CATSPERG: variants seen among roughly 807,000 people sequenced by gnomAD.
CATSPERG encodes cation channel sperm-associated auxiliary subunit gamma.
Under a neutral mutation model 145.0 loss-of-function variants are expected in CATSPERG, and 115 were observed. The ratio of observed to expected loss-of-function variants is 0.79; its 90% CI spans 0.68 to 0.93. The LOEUF (loss-of-function observed/expected upper bound fraction) is 0.93. Ranked by LOEUF, CATSPERG falls within the 40% of genes least tolerant of loss-of-function variation. The probability of loss-of-function intolerance (pLI) is 0.00; values close to 1 mark genes in which losing one functional copy is unlikely to be tolerated. For missense variants in CATSPERG, 1,296 were observed against 1,490.1 expected, an observed-to-expected ratio of 0.87 and a Z score of 2.14; for synonymous variants, 588 against 589.0, an observed-to-expected ratio of 1.00 and a Z score of 0.02.
chr19:38,367,783 C>A lies in CATSPERG; in HGVS notation c.2930+7C>A. The A allele has an allele frequency of 6.2e-7, 1 of 1,612,008 alleles. No individual in the cohort carries two copies. The highest frequency in any genetic ancestry group is 8.5e-7 in the Non-Finnish European group (1 of 1,178,158). ...TCAACAGCCCCCTGGACAAGTAATC[C>A]CCGTGGGGTCCCACGTGTAATCCAC... On this transcript the variant is annotated splice_region_variant and intron_variant, in intron 25 of 28. Coordinates refer to ENST00000409235, the MANE Select transcript of CATSPERG (RefSeq NM_021185.5).
intron 8 of CATSPERG, 43 bp from the exon 9 acceptor site, chr19:38,354,667 G>C (rs763205582): frequency 1.4e-5 from 22 of 1,606,686 alleles, no homozygotes; most frequent in Non-Finnish European, 1.6e-5. Context: ...AGAGGCCCCA[G>C]ATCCAACCAC....
rs1490018056 is a variant in CATSPERG at position 38,363,762 on chromosome 19, A to C, written c.2475+930A>C. Among the ~76,000 whole-genome samples, 4 of 152,098 alleles carry C rather than the reference A, an allele frequency of 2.6e-5. 1 individual carries two copies. The highest frequency in any genetic ancestry group is 1.3e-4 in the Admixed American group (2 of 15,258). On this transcript the variant is annotated intron_variant, in intron 20 of 28. Coordinates refer to ENST00000409235, the MANE Select transcript of CATSPERG (RefSeq NM_021185.5). ...CCTGAGTGGACACAGCACATGTTTC[A>C]GAGAGCACAGGGTTGGGGGTAAGGT...
intron 20 of CATSPERG, among the ~76,000 whole-genome samples, chr19:38,364,466 C>A (rs1016441976): frequency 1.1e-4 from 16 of 152,104 alleles, no homozygotes; most frequent in African/African-American, 3.9e-4. Flanking sequence ...GGGCTCCTCA[C>A]GTCCCAGACG....
Position 38,343,668 on chromosome 19 carries a change from G to C in CATSPERG, c.413G>C (p.Arg138Pro). ...TTCCAGTCCCCAGTCAACTTCTACC[G>C]CTGGAAGATAGAGCAGCTGCAGATC... ...VTFQSPVNFY[R>P]WKIEQLQIQM... The change falls in exon 4 of 29, where the codon CGC becomes CCC. Residue 138 changes from arginine to proline, a missense_variant. By Grantham distance (103) the Arg-to-Pro change is moderately radical. Coordinates refer to ENST00000409235, the MANE Select transcript of CATSPERG (RefSeq NM_021185.5). 5.2e-6 allele frequency: 8 copies of C among 1,551,468 alleles called. No individual in the cohort carries two copies. The highest frequency in any genetic ancestry group is 7.0e-6 in the Non-Finnish European group (8 of 1,146,962).
intron 6 of CATSPERG, 75 bp downstream of exon 6, chr19:38,344,443 C>A: frequency 1.5e-6 from 2 of 1,295,972 alleles, no homozygotes; most frequent in Non-Finnish European, 2.2e-6. Context: ...CCCAGACAAG[C>A]AGCAGATCCC....
rs779892397 is a variant in CATSPERG, at chr19:38,362,383, ACTT to A, written c.2172_2174del (p.Phe724del). The A allele has an allele frequency of 2.4e-5, 38 of 1,613,950 alleles. No individual in the cohort carries two copies. Among genetic ancestry groups the A allele is most frequent in the African/African-American group, 6.7e-5 (5 of 74,918 alleles). On this transcript the variant is annotated inframe_deletion, in exon 19 of 29. Coordinates refer to ENST00000409235, the MANE Select transcript of CATSPERG (RefSeq NM_021185.5). ...GCGCATCCGGTACCCCAGGATTACT[ACTT>A]CTTCTTGGCGAGCAATTGGCGAAGC...
chr19:38,362,878 T>TG (rs1970377891), intron 20 of CATSPERG, 46 bp downstream of exon 20: 6 of 1,215,008 alleles, frequency 4.9e-6, no homozygotes, highest in South Asian at 2.6e-5. Flanking sequence ...TTTGTTTTTT[T>TG]TTTTTTTTTT....
At chr19:38,364,718 G>A (rs1388079774) in intron 20 of CATSPERG, among the ~76,000 whole-genome samples, 173 bp from the exon 21 acceptor site, 1 of 152,258 alleles carries the variant, frequency 6.6e-6, no homozygotes, top group African/African-American at 2.4e-5. Flanking sequence ...TTAGGAGCTG[G>A]AGACCAGCCC....
At chr19:38,352,595 CTTTTTTT>C (rs576701757) in intron 8 of CATSPERG, 163 bp downstream of exon 8, 131 of 314,320 alleles carry the variant, frequency 4.2e-4, no homozygotes, top group East Asian at 2.0e-3. Flanking sequence ...TTGCCTTGCC[CTTTTTTT>C]TTTTTTTTTT....
rs1272366639 is a variant in CATSPERG, at chr19:38,364,809, A to G, written c.2476-82A>G. ...TACCAGCCACCACCTCGCCCCAGCT[A>G]TGGGTTATTTGAACTGTTTGTTGGA... On this transcript the variant is annotated intron_variant, in intron 20 of 28. Coordinates refer to ENST00000409235, the MANE Select transcript of CATSPERG (RefSeq NM_021185.5). 13 of 1,088,316 alleles carry G rather than the reference A, an allele frequency of 1.2e-5. No homozygotes were observed. In the East Asian group the frequency reaches 3.1e-4, roughly 26 times the overall value. The allele number at this position is 1,088,316 out of a possible 1,614,324, so 67.4% of individuals were successfully genotyped here.
chr19:38,345,263 A>T (rs60915799), intron 6 of CATSPERG, among the ~76,000 whole-genome samples: 6,252 of 147,150 alleles, frequency 0.042, 227 homozygotes, highest in East Asian at 0.13. Flanking sequence ...CCTGCTAATA[A>T]TTTTTTTATT....
At chr19:38,343,950 T>C (rs550085773) in intron 4 of CATSPERG, 43 bp from the exon 5 acceptor site, 43 of 1,544,620 alleles carry the variant, frequency 2.8e-5, no homozygotes, top group South Asian at 1.4e-4. Flanking sequence ...GAACCGGCCA[T>C]TGGGAGGCCC....
Position 38,353,593 on chromosome 19 carries a change from A to T in CATSPERG, c.998-1117A>T, listed in dbSNP as rs1600463714. The stretch of plus-strand genomic sequence containing the variant: ...ATGCCTGTAGTCCCAGCTACTCGGG[A>T]GGCTGAGGCAGGAGAATCGCTTGAA... On this transcript the variant is annotated intron_variant, in intron 8 of 28. Coordinates refer to ENST00000409235, the MANE Select transcript of CATSPERG (RefSeq NM_021185.5). Among the ~76,000 whole-genome samples the T allele has an allele frequency of 5.4e-5, 8 of 147,702 alleles. No individual in the cohort carries two copies. The South Asian group carries it at 1.7e-3, about 32-fold the overall frequency.
At chr19:38,361,447 G>A (rs1970342518) in intron 16 of CATSPERG, among the ~76,000 whole-genome samples, 1 of 151,990 alleles carries the variant, frequency 6.6e-6, no homozygotes, top group Admixed American at 6.6e-5. Context: ...GAGTAGGGAG[G>A]ACTCTGGTCT....
chr19:38,352,462 G>C (rs1395342960), intron 8 of CATSPERG, 30 bp downstream of exon 8: 1 of 1,549,706 alleles, frequency 6.5e-7, no homozygotes, highest in African/African-American at 1.4e-5. Context: ...ACCCACGCCT[G>C]GGGAGGGCAC....
chr19:38,358,231 A>G, intron 11 of CATSPERG, 47 bp from the exon 12 acceptor site: 1 of 1,601,968 alleles, frequency 6.2e-7, no homozygotes, highest in Non-Finnish European at 8.5e-7. Flanking sequence ...CCAGGTTTTG[A>G]AAGTGCAGGG....
chr19:38,338,031 T>C (rs565716148), intron 3 of CATSPERG, among the ~76,000 whole-genome samples: 10 of 152,236 alleles, frequency 6.6e-5, no homozygotes, highest in African/African-American at 2.4e-4. Flanking sequence ...TCTCAATATG[T>C]GGTAGCACCA....
At chr19:38,343,920 C>A in intron 4 of CATSPERG, 73 bp from the exon 5 acceptor site, 1 of 1,526,390 alleles carries the variant, frequency 6.6e-7, no homozygotes, top group African/African-American at 1.4e-5. Flanking sequence ...TGGGGAGATC[C>A]CAGGGTGGTC....
chr19:38,343,398 C>T (rs1969970319), intron 3 of CATSPERG, among the ~76,000 whole-genome samples, 182 bp from the exon 4 acceptor site: 2 of 152,186 alleles, frequency 1.3e-5, no homozygotes, highest in South Asian at 4.1e-4. Context: ...CCTCTGCCCC[C>T]TCCTAGGCTG....
Sources: allele counts gnomAD v4.1 joint callset (sites outside exome capture counted in the v4.1 genomes callset), GRCh38; gene constraint gnomAD v4.1.1; transcripts MANE v1.5; gene names NCBI Gene and HGNC (gene_info 2026-07-23, HGNC 2026-07-21).